Variants in KMT5B observed in about 807,000 individuals in gnomAD.
KMT5B encodes lysine methyltransferase 5B.
Under a neutral mutation model 83.2 loss-of-function variants are expected in KMT5B, and 10 were observed. The observed-to-expected ratio is 0.12, with a 90% CI of 0.07 to 0.20. The LOEUF (loss-of-function observed/expected upper bound fraction) is 0.20. Among genes scored for constraint, KMT5B ranks in the 10% least tolerant of loss-of-function variants. The pLI is 1.00. For missense variants in KMT5B, 753 were observed against 1,067.2 expected, an observed-to-expected ratio of 0.71 and a Z score of 4.10; for synonymous variants, 349 against 388.8, an observed-to-expected ratio of 0.90 and a Z score of 1.20.
At chr11:68,199,767 T>A (rs1001515530) in intron 1 of KMT5B, among the ~76,000 whole-genome samples, 2 of 152,204 alleles carry the variant, frequency 1.3e-5, no homozygotes, top group Non-Finnish European at 2.9e-5. Context: ...GGAGAACTAG[T>A]GGCTGCAGCA....
chr11:68,184,589 T>C (rs1240235980), intron 3 of KMT5B, among the ~76,000 whole-genome samples: 1 of 152,152 alleles, frequency 6.6e-6, no homozygotes, highest in Non-Finnish European at 1.5e-5. Flanking sequence ...AGTGACCACC[T>C]ACCTGGGTAT....
chr11:68,209,036 A>C (rs1043417424), intron 1 of KMT5B, among the ~76,000 whole-genome samples: 2 of 152,294 alleles, frequency 1.3e-5, no homozygotes, highest in African/African-American at 2.4e-5. Flanking sequence ...CTGAAGGATC[A>C]AGCCCCCTTT....
At chr11:68,159,480 G>A (rs936025730) in intron 10 of KMT5B, among the ~76,000 whole-genome samples, 12 of 152,162 alleles carry the variant, frequency 7.9e-5, no homozygotes, top group East Asian at 3.9e-4. Context: ...CCAAACGAAC[G>A]CTTTCTTCTC....
At chr11:68,213,304 CG>C (rs1381875165), upstream of KMT5B, 3 of 147,940 alleles carry the variant, frequency 2.0e-5, no homozygotes, top group African/African-American at 4.9e-5. Context: ...GATGGCGGCG[CG>C]GGCCGCAGCA....
At chr11:68,183,163 C>T (rs1409746709) in intron 3 of KMT5B, among the ~76,000 whole-genome samples, 1 of 151,090 alleles carries the variant, frequency 6.6e-6, no homozygotes, top group Non-Finnish European at 1.5e-5. Flanking sequence ...CTGAATGCCA[C>T]TAGACTACTG....
intron 10 of KMT5B, chr11:68,166,358 T>A: frequency 9.7e-7 from 1 of 1,028,620 alleles, no homozygotes; most frequent in Non-Finnish European, 1.2e-6. Flanking sequence ...ACCACTGGAA[T>A]CTCAGAGGTT....
At chr11:68,188,333 C>T (rs2153070389) in intron 2 of KMT5B, among the ~76,000 whole-genome samples, 1 of 150,996 alleles carries the variant, frequency 6.6e-6, no homozygotes, top group Non-Finnish European at 1.5e-5. Context: ...CCGTAATGGC[C>T]ATTTCTAAAC....
chr11:68,163,042 T>TA (rs1854995374), intron 10 of KMT5B, among the ~76,000 whole-genome samples: 3 of 83,906 alleles, frequency 3.6e-5, no homozygotes, highest in Admixed American at 1.4e-4. Flanking sequence ...GTCAATGATT[T>TA]TAAAGTCCAT....
intron 1 of KMT5B, among the ~76,000 whole-genome samples, chr11:68,200,257 G>A (rs1315000605): frequency 1.3e-5 from 2 of 152,220 alleles, no homozygotes; most frequent in Non-Finnish European, 2.9e-5. Flanking sequence ...AGGTCAAGAG[G>A]AGGAGAAGCA....
chr11:68,210,305 C>A (rs1216929242), intron 1 of KMT5B, among the ~76,000 whole-genome samples: 1 of 151,972 alleles, frequency 6.6e-6, no homozygotes, highest in Non-Finnish European at 1.5e-5. Flanking sequence ...GATTAACTAT[C>A]TCATAATGAC....
chr11:68,164,263 T>C (rs1309052354), intron 10 of KMT5B, among the ~76,000 whole-genome samples: 2 of 152,230 alleles, frequency 1.3e-5, no homozygotes, highest in Admixed American at 1.3e-4. Context: ...AACATTTTTT[T>C]ATACATGTGT....
chr11:68,161,217 T>C (rs1318698097), intron 10 of KMT5B, among the ~76,000 whole-genome samples: 1 of 152,030 alleles, frequency 6.6e-6, no homozygotes, highest in Non-Finnish European at 1.5e-5. Context: ...AATAAGAAAT[T>C]TAGAAAATAA....
chr11:68,213,602 C>T (rs1413725222), upstream of KMT5B: 3 of 153,770 alleles, frequency 2.0e-5, no homozygotes, highest in Non-Finnish European at 2.9e-5. Context: ...GCCCCGCTGC[C>T]CTGCCGCCCG....
Position 68,158,294 on chromosome 11 carries a change from T to C in KMT5B, c.2052A>G (p.Lys684=). The change falls in exon 11 of 11, where the codon AAA becomes AAG. Residue 684 remains lysine (K), a synonymous_variant. Coordinates refer to ENST00000304363, the MANE Select transcript of KMT5B (RefSeq NM_017635.5). Reference sequence around the variant, plus strand: ...TTGCAGTTCTAAAGCTGTCTTTTGTTTTGAAGCTATCTGATGTCACAACTG... The same window carrying C: ...TTGCAGTTCTAAAGCTGTCTTTTGTCTTGAAGCTATCTGATGTCACAACTG... ...GCSVVTSDSF[K]TKDSFRTAKS... 1 of 1,614,178 alleles carries C rather than the reference T, an allele frequency of 6.2e-7. No homozygotes were observed. Among genetic ancestry groups the C allele is most frequent in the Non-Finnish European group, 8.5e-7 (1 of 1,180,036 alleles).
chr11:68,212,492 T>C (rs1478036960), intron 1 of KMT5B: 3 of 152,270 alleles, frequency 2.0e-5, no homozygotes, highest in Non-Finnish European at 4.4e-5. Flanking sequence ...CCAACTTGTT[T>C]CTATCTTAAT....
At chr11:68,176,336 C>T (rs1190296318) in intron 4 of KMT5B, among the ~76,000 whole-genome samples, 3 of 152,184 alleles carry the variant, frequency 2.0e-5, no homozygotes, top group African/African-American at 7.2e-5. Flanking sequence ...GTGAACCCCT[C>T]ATTCTAAAGC....
chr11:68,180,044 C>T, intron 4 of KMT5B, 88 bp downstream of exon 4: 2 of 1,406,062 alleles, frequency 1.4e-6, no homozygotes, highest in East Asian at 2.5e-5. Flanking sequence ...TTTATGCTGA[C>T]ACTTCAAATT....
intron 9 of KMT5B, among the ~76,000 whole-genome samples, chr11:68,170,220 GGT>G (rs1855713786): frequency 6.6e-6 from 1 of 152,170 alleles, no homozygotes; most frequent in African/African-American, 2.4e-5. Flanking sequence ...GGCTGACTGG[GGT>G]CTGATACTTA....
At chr11:68,165,694 A>C in intron 10 of KMT5B, 1 of 1,344,838 alleles carries the variant, frequency 7.4e-7, no homozygotes, top group Non-Finnish European at 9.6e-7. Flanking sequence ...AGTTTCACCA[A>C]GGAACCAGAC....
Sources: allele counts gnomAD v4.1 joint callset (sites outside exome capture counted in the v4.1 genomes callset), GRCh38; gene constraint gnomAD v4.1.1; transcripts MANE v1.5; gene names NCBI Gene and HGNC (gene_info 2026-07-23, HGNC 2026-07-21).